The following OCIAD1 variants were observed in gnomAD, a reference collection of about 807,000 sequenced individuals.
OCIAD1 encodes the protein OCIA domain containing 1.
In OCIAD1, 29 loss-of-function variants were observed where a neutral mutation model predicts 38.9. The observed-to-expected ratio is 0.74, with a 90% confidence interval of 0.55 to 1.02. OCIAD1 has a LOEUF of 1.02. Among genes scored for constraint, OCIAD1 ranks in the 50% least tolerant of loss-of-function variants. The pLI, the probability that OCIAD1 is intolerant of heterozygous loss-of-function variation, is 0.00. For synonymous variants in OCIAD1, 110 were observed against 92.0 expected (o/e 1.20, Z -1.12); for missense variants, 288 against 289.6 (o/e 0.99, Z 0.04).
At chr4:48,850,227 A>T in intron 6 of OCIAD1, 145 bp downstream of exon 6, 1 of 775,826 alleles carries the variant, frequency 1.3e-6, no homozygotes, top group Non-Finnish European at 2.1e-6. Flanking sequence ...TTGCTTCAAA[A>T]ATTGGAGCAA....
chr4:48,835,567 C>T (rs1777905506), intron 3 of OCIAD1, among the ~76,000 whole-genome samples: 1 of 152,066 alleles, frequency 6.6e-6, no homozygotes, highest in Admixed American at 6.5e-5. Flanking sequence ...GGTATGGTGG[C>T]TCACACCTGT....
At position 48,860,742 on chromosome 4, in the gene OCIAD1, G is replaced by C. The variant is rs1288645046; in HGVS notation, c.718G>C (p.Gly240Arg). The C allele has an allele frequency of 2.5e-6, 4 of 1,602,784 alleles. No homozygotes were observed. Among genetic ancestry groups the C allele is most frequent in the Non-Finnish European group, 2.6e-6 (3 of 1,171,034 alleles). ...TTTCCTAGTCAAAGTAAACAAGTAT[G>C]GAGATACTTGGGATGAGTGAAAAAT... ...PKKEVKVNKYGDTWDE is the reference protein window; with the variant it reads ...PKKEVKVNKYRDTWDE Residue 240 changes from glycine (G) to arginine (R), a missense_variant, in exon 9 of 9, where the codon GGA (glycine) becomes CGA (arginine). Gly to Arg is a moderately radical substitution (Grantham distance 125). Coordinates refer to ENST00000264312, the MANE Select transcript of OCIAD1 (RefSeq NM_017830.4).
chr4:48,816,812 A>G (rs1421201070), intron 1 of OCIAD1, among the ~76,000 whole-genome samples: 1 of 148,720 alleles, frequency 6.7e-6, no homozygotes, highest in East Asian at 2.1e-4. Context: ...CTCTACTAAA[A>G]ATACAAAAAT....
chr4:48,814,013 T>G (rs1777117287), intron 1 of OCIAD1, among the ~76,000 whole-genome samples: 1 of 152,158 alleles, frequency 6.6e-6, no homozygotes, highest in African/African-American at 2.4e-5. Flanking sequence ...TTTTTAAGAC[T>G]GAGATTGATG....
At chr4:48,820,383 C>T (rs190996436) in intron 1 of OCIAD1, among the ~76,000 whole-genome samples, 2 of 152,312 alleles carry the variant, frequency 1.3e-5, no homozygotes, top group Non-Finnish European at 1.5e-5. Context: ...ACTAGAATCT[C>T]TGGGACACAG....
At chr4:48,839,555 T>G (rs1778335289) in intron 3 of OCIAD1, among the ~76,000 whole-genome samples, 2 of 152,226 alleles carry the variant, frequency 1.3e-5, no homozygotes, top group Non-Finnish European at 2.9e-5. Context: ...TATACTTTTC[T>G]TATCTATAAA....
chr4:48,810,490 A>G (rs867633549), intron 1 of OCIAD1, among the ~76,000 whole-genome samples: 22 of 151,480 alleles, frequency 1.5e-4, no homozygotes, highest in African/African-American at 4.8e-4. Context: ...AAAAAAAAAA[A>G]AGAGATGAGA....
At chr4:48,835,489 G>T (rs1255040782) in intron 3 of OCIAD1, among the ~76,000 whole-genome samples, 1 of 151,996 alleles carries the variant, frequency 6.6e-6, no homozygotes, top group African/African-American at 2.4e-5. Flanking sequence ...GAATACCTGA[G>T]TTGGAAAAAG....
intron 3 of OCIAD1, among the ~76,000 whole-genome samples, chr4:48,839,508 A>G (rs1476281393): frequency 6.6e-6 from 1 of 151,820 alleles, no homozygotes; most frequent in Non-Finnish European, 1.5e-5. Flanking sequence ...CACACACAGT[A>G]GCTGTGAGAT....
chr4:48,854,109 C>T (rs1779785339), intron 7 of OCIAD1, among the ~76,000 whole-genome samples: 1 of 152,194 alleles, frequency 6.6e-6, no homozygotes, highest in Non-Finnish European at 1.5e-5. Flanking sequence ...GTCTGAAGTT[C>T]AAATCCATTC....
chr4:48,836,414 G>C (rs1777992956), intron 3 of OCIAD1, among the ~76,000 whole-genome samples: 2 of 152,210 alleles, frequency 1.3e-5, no homozygotes, highest in African/African-American at 4.8e-5. Context: ...GTTCTTGTTT[G>C]AAGATGAGTT....
chr4:48,852,136 T>A, intron 7 of OCIAD1, 161 bp downstream of exon 7: 1 of 558,238 alleles, frequency 1.8e-6, no homozygotes, highest in Non-Finnish European at 3.1e-6. Flanking sequence ...TTCATTCAAC[T>A]TTTCTTGAGG....
At chr4:48,812,832 G>A (rs1437793183) in intron 1 of OCIAD1, among the ~76,000 whole-genome samples, 1 of 152,222 alleles carries the variant, frequency 6.6e-6, no homozygotes, top group Non-Finnish European at 1.5e-5. Flanking sequence ...TGTTAAAGCT[G>A]AGAATCATAA....
chr4:48,836,502 C>CA (rs1210016031), intron 3 of OCIAD1, among the ~76,000 whole-genome samples: 1 of 152,138 alleles, frequency 6.6e-6, no homozygotes, highest in Non-Finnish European at 1.5e-5. Flanking sequence ...GAAACAAAAG[C>CA]ATACATGAAA....
At chr4:48,839,846 C>T (rs1778366359) in intron 3 of OCIAD1, among the ~76,000 whole-genome samples, 1 of 152,090 alleles carries the variant, frequency 6.6e-6, no homozygotes, top group Non-Finnish European at 1.5e-5. Flanking sequence ...CCTATAGAGA[C>T]AGATTATTTA....
chr4:48,841,963 G>A (rs200054970), intron 3 of OCIAD1, among the ~76,000 whole-genome samples: 7 of 152,142 alleles, frequency 4.6e-5, no homozygotes, highest in South Asian at 4.1e-4. Context: ...CCCAGCCACC[G>A]TATGATTACG....
chr4:48,829,404 T>C (rs1777311870), upstream of OCIAD1, among the ~76,000 whole-genome samples: 1 of 152,230 alleles, frequency 6.6e-6, no homozygotes, highest in Admixed American at 6.5e-5. Flanking sequence ...ATTCAACAAA[T>C]TCATTTAAGA....
At chr4:48,814,019 T>C (rs1315504191) in intron 1 of OCIAD1, among the ~76,000 whole-genome samples, 1 of 152,184 alleles carries the variant, frequency 6.6e-6, no homozygotes, top group Non-Finnish European at 1.5e-5. Context: ...AGACTGAGAT[T>C]GATGTGTAGG....
chr4:48,814,056 A>G (rs1344362811), intron 1 of OCIAD1, among the ~76,000 whole-genome samples: 1 of 152,178 alleles, frequency 6.6e-6, no homozygotes, highest in South Asian at 2.1e-4. Flanking sequence ...CAAACCAGCT[A>G]CATGCAGCTG....
Sources: allele counts gnomAD v4.1 joint callset (sites outside exome capture counted in the v4.1 genomes callset), GRCh38; gene constraint gnomAD v4.1.1; transcripts MANE v1.5; gene names NCBI Gene and HGNC (gene_info 2026-07-23, HGNC 2026-07-21).